Variants in MCF2 observed in about 807,000 individuals in gnomAD.
MCF2 encodes the protein MCF.2 cell line derived transforming sequence, also known as proto-oncogene DBL.
MCF2 carries 44 observed loss-of-function variants against 82.5 expected under a neutral mutation model. The observed-to-expected ratio is 0.53, with a 90% confidence interval of 0.42 to 0.69. The LOEUF is 0.69. Ranked by LOEUF, MCF2 falls within the 30% of genes least tolerant of loss-of-function variation. MCF2 has a pLI of 0.00. For missense variants in MCF2, 623 were observed against 663.1 expected (o/e 0.94, Z 0.66); for synonymous variants, 217 against 224.9 (o/e 0.96, Z 0.32).
intron 4 of MCF2, among the ~76,000 whole-genome samples, chrX:139,628,838 CACAAAACA>C (rs1389698141): frequency 8.1e-5 from 9 of 111,228 alleles, no homozygotes; most frequent in Admixed American, 4.8e-4. Context: ...CAGAATCCTT[CACAAAACA>C]ACACTCCACA....
exon 25 of MCF2, chrX:139,582,497 C>A (rs1928561819): frequency 8.3e-7 from 1 of 1,203,156 alleles, no homozygotes; most frequent in Admixed American, 2.2e-5. Flanking sequence ...ATCTCCGACA[C>A]AGGTCTCTAC....
chrX:139,614,300 C>A (rs1428568714), intron 10 of MCF2, among the ~76,000 whole-genome samples: 1 of 111,589 alleles, frequency 9.0e-6, no homozygotes, highest in Non-Finnish European at 1.9e-5. Flanking sequence ...AAATTACCAA[C>A]AAAATTATTC....
At chrX:139,597,807 C>T (rs1051567604) in intron 17 of MCF2, among the ~76,000 whole-genome samples, 9 of 111,268 alleles carry the variant, frequency 8.1e-5, no homozygotes, top group African/African-American at 2.9e-4. Flanking sequence ...ACATTTAATG[C>T]TTCTGGAGTT....
At chrX:139,636,109 C>T (rs1027907309) in intron 1 of MCF2, among the ~76,000 whole-genome samples, 5 of 111,130 alleles carry the variant, frequency 4.5e-5, no homozygotes, top group African/African-American at 9.8e-5. Context: ...GATTCTCGGA[C>T]GTCAGAACAA....
chrX:139,584,057 A>T (rs987010652), intron 24 of MCF2, among the ~76,000 whole-genome samples: 6 of 110,640 alleles, frequency 5.4e-5, no homozygotes, highest in African/African-American at 2.0e-4. Flanking sequence ...AGGAGAAACA[A>T]TATCTACTTT....
At chrX:139,619,354 G>A (rs1008641261) in intron 7 of MCF2, among the ~76,000 whole-genome samples, 1 of 110,410 alleles carries the variant, frequency 9.1e-6, no homozygotes, top group African/African-American at 3.3e-5. Context: ...GAAGGCAAGC[G>A]ATAAAAGGCT....
At chrX:139,698,778 C>T (rs2060098397) in intron 1 of MCF2, among the ~76,000 whole-genome samples, 1 of 111,860 alleles carries the variant, frequency 8.9e-6, no homozygotes, top group Non-Finnish European at 1.9e-5. Context: ...TTGTTTAGTT[C>T]ATATAAGGAC....
exon 2 of MCF2, chrX:139,632,405 C>A: frequency 8.3e-7 from 1 of 1,204,384 alleles, no homozygotes; most frequent in Non-Finnish European, 1.1e-6. Context: ...TTGAAGAAAG[C>A]TGGTAGGACG....
chrX:139,584,992 G>A, intron 24 of MCF2, 74 bp downstream of exon 28: 1 of 640,704 alleles, frequency 1.6e-6, no homozygotes, highest in Non-Finnish European at 2.4e-6. Context: ...ACAAAAGATT[G>A]CCCCTATGTG....
intron 7 of MCF2, among the ~76,000 whole-genome samples, chrX:139,618,613 C>T (rs1242416699): frequency 9.0e-6 from 1 of 111,039 alleles, no homozygotes; most frequent in African/African-American, 3.3e-5. Flanking sequence ...CATGATCACA[C>T]AGATCTACAA....
chrX:139,597,308 T>G (rs1930185992), intron 18 of MCF2, 152 bp downstream of exon 22: 1 of 464,071 alleles, frequency 2.2e-6, no homozygotes, highest in Non-Finnish European at 3.9e-6. Flanking sequence ...CTGAAGCCAA[T>G]TCTCCACTTA....
At chrX:139,662,818 GTC>G (rs1352320232) in intron 1 of MCF2, among the ~76,000 whole-genome samples, 2 of 110,514 alleles carry the variant, frequency 1.8e-5, no homozygotes, top group African/African-American at 6.6e-5. Flanking sequence ...CACCCTTTCA[GTC>G]TCTGTTATCT....
intron 1 of MCF2, among the ~76,000 whole-genome samples, chrX:139,672,570 A>G (rs1227079647): frequency 1.8e-5 from 2 of 112,276 alleles, no homozygotes; most frequent in African/African-American, 6.5e-5. Flanking sequence ...CTATTGAGAT[A>G]ATCATATGGT....
At chrX:139,627,965 G>A (rs1932802659) in intron 4 of MCF2, among the ~76,000 whole-genome samples, 1 of 111,715 alleles carries the variant, frequency 9.0e-6, no homozygotes, top group African/African-American at 3.3e-5. Context: ...TTATTAAAAA[G>A]ACAAAAAATA....
chrX:139,655,537 ATACTT>A (rs2148532794), intron 1 of MCF2, among the ~76,000 whole-genome samples: 1 of 111,535 alleles, frequency 9.0e-6, no homozygotes, highest in African/African-American at 3.3e-5. Flanking sequence ...TATTATTATT[ATACTT>A]TAAGTTCTAG....
At chrX:139,685,974 G>A (rs1603307638) in intron 1 of MCF2, among the ~76,000 whole-genome samples, 2 of 110,250 alleles carry the variant, frequency 1.8e-5, no homozygotes, top group East Asian at 2.9e-4. Context: ...CAATAAATGC[G>A]ATTCACCACA....
In MCF2 at chrX:139,587,867, T is replaced by TCACA. The variant is rs3830799; in HGVS notation, c.2450-83_2450-80dup. The TCACA allele has an allele frequency of 1.1e-3, 508 of 468,096 alleles. 1 individual carries two copies. Among genetic ancestry groups the TCACA allele is most frequent in the African/African-American group, 7.8e-3 (310 of 39,726 alleles). 38.6% of individuals were successfully genotyped at this position (468,096 alleles called of 1,213,427 possible). A position where few individuals can be genotyped will look rare whatever the true frequency, so the allele number is the denominator to read the frequency against. ...TTGAAGGCCAATGACTTTCTCTCTCTCACACACACACACACACACACACAC... is the reference window on the plus strand; with the variant it reads ...TTGAAGGCCAATGACTTTCTCTCTCTCACACACACACACACACACACACACACAC... On this transcript the variant is annotated intron_variant, in intron 21 of 24. Coordinates refer to ENST00000370576, the Ensembl canonical transcript of MCF2.
intron 13 of MCF2, among the ~76,000 whole-genome samples, chrX:139,605,194 G>C (rs988389961): frequency 1.9e-5 from 2 of 107,061 alleles, no homozygotes; most frequent in African/African-American, 6.8e-5. Flanking sequence ...GGCAAGGAAA[G>C]GAAGTCAAGT....
chrX:139,688,605 T>C (rs1422731322), intron 1 of MCF2, among the ~76,000 whole-genome samples: 1 of 112,326 alleles, frequency 8.9e-6, no homozygotes, highest in African/African-American at 3.2e-5. Context: ...GTAAGTTATC[T>C]GAGGTTACAT....
Sources: allele counts gnomAD v4.1 joint callset (sites outside exome capture counted in the v4.1 genomes callset), GRCh38; gene constraint gnomAD v4.1.1; transcripts MANE v1.5; gene names NCBI Gene and HGNC (gene_info 2026-07-23, HGNC 2026-07-21).